COG4: variants seen among roughly 807,000 people sequenced by gnomAD.
COG4 encodes conserved oligomeric Golgi complex subunit 4.
COG4 carries 65 observed loss-of-function variants against 95.1 expected under a neutral mutation model. The observed-to-expected ratio is 0.68, with a 90% CI of 0.56 to 0.84. The LOEUF (loss-of-function observed/expected upper bound fraction) is 0.84. Ranked by LOEUF, COG4 falls within the 40% of genes least tolerant of loss-of-function variation. The probability of loss-of-function intolerance (pLI) is 0.00; values close to 1 mark genes in which losing one functional copy is unlikely to be tolerated. For synonymous variants in COG4, 421 were observed against 374.8 expected (o/e 1.12, Z -1.42); for missense variants, 1,045 against 989.1 (o/e 1.06, Z -0.76).
chr16:70,481,959 C>T (rs572137552), intron 16 of COG4, 94 bp from the exon 17 acceptor site: 21 of 1,365,104 alleles, frequency 1.5e-5, no homozygotes, highest in South Asian at 9.4e-5. Flanking sequence ...CGTGAGGCCA[C>T]GGGGGAGTTT....
At chr16:70,492,993 A>T (rs1311753228) in intron 12 of COG4, among the ~76,000 whole-genome samples, 1 of 152,170 alleles carries the variant, frequency 6.6e-6, no homozygotes, top group Non-Finnish European at 1.5e-5. Context: ...GGGCAAAATT[A>T]TTAAGGCACT....
At chr16:70,492,642 C>A (rs1354807239) in intron 12 of COG4, among the ~76,000 whole-genome samples, 2 of 143,154 alleles carry the variant, frequency 1.4e-5, no homozygotes, top group African/African-American at 2.6e-5. Flanking sequence ...GCCTGTGCAA[C>A]AACAGCAAAA....
rs1185243430 is a variant in COG4, at chr16:70,514,352, C to T, written c.527G>A (p.Ser176Asn). The change falls in exon 4 of 19, where the codon AGC (serine) becomes AAC (asparagine). Residue 176 changes from serine (S) to asparagine (N), a missense_variant. Transcript: ENST00000323786. ...ATGCTGACCCTCTTTGCCCTGTCGG[C>T]TGAGCTCAATGACCGACTTGTCCAG... ...LCLDKSVIELSRQGKEGSMID... is the reference protein window; with the variant it reads ...LCLDKSVIELNRQGKEGSMID... 10 of 1,614,216 alleles carry T rather than the reference C, an allele frequency of 6.2e-6. No homozygotes were observed. Among genetic ancestry groups the T allele is most frequent in the Non-Finnish European group, 7.6e-6 (9 of 1,180,040 alleles).
chr16:70,497,663 CA>C (rs2049368589), intron 10 of COG4, among the ~76,000 whole-genome samples: 1 of 152,160 alleles, frequency 6.6e-6, no homozygotes, highest in African/African-American at 2.4e-5. Context: ...TCCTTACCCA[CA>C]AACCTTCAGG....
intron 3 of COG4, 86 bp from the exon 4 acceptor site, chr16:70,514,595 C>G (rs2049785025): frequency 1.8e-6 from 2 of 1,130,006 alleles, no homozygotes; most frequent in Admixed American, 1.8e-5. Flanking sequence ...GGAGCTGAAT[C>G]TGATCAACCA....
chr16:70,482,448 C>A, intron 15 of COG4: 1 of 607,428 alleles, frequency 1.6e-6, no homozygotes, highest in Non-Finnish European at 2.9e-6. Context: ...GAAATCACTA[C>A]GCCAGGAGGA....
chr16:70,482,276 TC>T (rs762754371), intron 15 of COG4, 101 bp from the exon 16 acceptor site: 1 of 822,322 alleles, frequency 1.2e-6, no homozygotes, highest in Non-Finnish European at 2.1e-6. Flanking sequence ...AAAACATTCT[TC>T]CTTCCCTGTG....
chr16:70,483,319 C>G (rs565804259), intron 14 of COG4, among the ~76,000 whole-genome samples: 13 of 131,154 alleles, frequency 9.9e-5, no homozygotes, highest in Non-Finnish European at 1.5e-5. Context: ...CATCCCTTCC[C>G]TCTCTCCTCT....
Position 70,483,982 on chromosome 16 carries a change from A to AC in COG4, c.1711-14dup. 6.3e-7 allele frequency: 1 copy of AC among 1,596,624 alleles called. No homozygotes were observed. The highest frequency in any genetic ancestry group is 1.3e-5 in the African/African-American group (1 of 74,734). ...TGGTGCAGTCACTCTAGGGGAGAAC[A>AC]CTGCTGTAAGACCACCGAGCACGCG... On this transcript the variant is annotated splice_polypyrimidine_tract_variant and intron_variant, in intron 13 of 18. Coordinates refer to ENST00000323786, the MANE Select transcript of COG4 (RefSeq NM_015386.3).
chr16:70,500,359 T>C (rs1469853461), intron 9 of COG4, among the ~76,000 whole-genome samples: 1 of 143,094 alleles, frequency 7.0e-6, no homozygotes, highest in African/African-American at 2.8e-5. Flanking sequence ...CTGTACATTA[T>C]ATACTCTTTT....
intron 13 of COG4, among the ~76,000 whole-genome samples, chr16:70,487,917 C>G (rs1217138600): frequency 6.6e-6 from 1 of 151,658 alleles, no homozygotes; most frequent in African/African-American, 2.4e-5. Flanking sequence ...CTCTGCCTCC[C>G]AGGTTCAAGC....
intron 14 of COG4, 34 bp downstream of exon 14, chr16:70,483,819 C>G (rs534057433): frequency 4.1e-6 from 6 of 1,472,916 alleles, no homozygotes; most frequent in Middle Eastern, 1.7e-4. Flanking sequence ...CACACAGGCA[C>G]AGGATTCAGT....
intron 15 of COG4, 61 bp from the exon 16 acceptor site, chr16:70,482,236 C>G (rs1397099155): frequency 2.0e-6 from 2 of 986,848 alleles, no homozygotes; most frequent in Non-Finnish European, 3.3e-6. Context: ...TTCATTGCCA[C>G]CCACCTCTAT....
At chr16:70,513,072 G>A (rs75434684) in intron 4 of COG4, among the ~76,000 whole-genome samples, 405 of 152,340 alleles carry the variant, frequency 2.7e-3, no homozygotes, top group Non-Finnish European at 4.5e-3. Flanking sequence ...AAGATGGGCA[G>A]GATTCTGATA....
At chr16:70,520,989 G>C (rs965413437) in intron 1 of COG4, among the ~76,000 whole-genome samples, 7 of 152,248 alleles carry the variant, frequency 4.6e-5, no homozygotes, top group Non-Finnish European at 5.9e-5. Flanking sequence ...GGGGGCTCAA[G>C]TGCTCTTCCT....
chr16:70,486,225 A>G (rs1029227113), intron 13 of COG4, among the ~76,000 whole-genome samples: 18 of 152,140 alleles, frequency 1.2e-4, no homozygotes, highest in Non-Finnish European at 2.9e-5. Context: ...ACCACACTAC[A>G]GCGTAGGTGT....
chr16:70,513,533 A>G (rs945768040), intron 4 of COG4, among the ~76,000 whole-genome samples: 5 of 152,208 alleles, frequency 3.3e-5, no homozygotes, highest in African/African-American at 1.2e-4. Context: ...CCTACGATAA[A>G]GTTTAATTTG....
rs1195561159 is a variant in COG4 at position 70,489,910 on chromosome 16, C to T, written c.1710+420G>A. On this transcript the variant is annotated intron_variant, in intron 13 of 18. Coordinates refer to ENST00000323786, the MANE Select transcript of COG4 (RefSeq NM_015386.3). Reference sequence around the variant, plus strand: ...TCAGCTCACTGCAACCTCTGCCTCCCGGGTTCAAGTGATTCTCCTGCCTCA... The same window carrying T: ...TCAGCTCACTGCAACCTCTGCCTCCTGGGTTCAAGTGATTCTCCTGCCTCA... Among the ~76,000 whole-genome samples, 5 of 152,166 alleles carry T rather than the reference C, an allele frequency of 3.3e-5. No individual in the cohort carries two copies. The East Asian group carries it at 5.8e-4, about 18-fold the overall frequency.
intron 12 of COG4, among the ~76,000 whole-genome samples, chr16:70,495,369 C>T (rs868171452): frequency 1.3e-5 from 2 of 148,990 alleles, no homozygotes; most frequent in Non-Finnish European, 3.0e-5. Context: ...TGCACTCCAG[C>T]CTGGGGAACA....
Sources: allele counts gnomAD v4.1 joint callset (sites outside exome capture counted in the v4.1 genomes callset), GRCh38; gene constraint gnomAD v4.1.1; transcripts MANE v1.5; gene names NCBI Gene and HGNC (gene_info 2026-07-23, HGNC 2026-07-21).